Variants in PCDHA1 observed in about 807,000 individuals in gnomAD.
PCDHA1 encodes protocadherin alpha-1.
Under a neutral mutation model 61.3 loss-of-function variants are expected in PCDHA1, and 42 were observed. The ratio of observed to expected loss-of-function variants is 0.69; its 90% confidence interval spans 0.54 to 0.89. The LOEUF (loss-of-function observed/expected upper bound fraction) is 0.89. PCDHA1 is among the 40% of genes least tolerant of loss of function. The pLI is 0.00. For missense variants in PCDHA1, 1,256 were observed against 1,235.3 expected (o/e 1.02, Z -0.25); for synonymous variants, 610 against 553.8 (o/e 1.10, Z -1.43).
Position 140,856,227 on chromosome 5 carries a change from A to C in PCDHA1, c.2394+67543A>C, listed in dbSNP as rs149352769. 4,605 of 1,597,986 alleles carry C rather than the reference A, an allele frequency of 2.9e-3. 355 individuals carry two copies. The highest frequency in any genetic ancestry group is 0.01 in the Middle Eastern group (60 of 5,808). ...GGGCTGGAGCTGGCGGAGCTGGTGC[A>C]GCGCCTGTTCCGGGTGGCGTCCAAA... On this transcript the variant is annotated intron_variant, in intron 1 of 3. Transcript: ENST00000504120.
intron 1 of PCDHA1, among the ~76,000 whole-genome samples, chr5:140,950,542 A>G (rs1332265340): frequency 1.3e-5 from 2 of 152,014 alleles, no homozygotes; most frequent in Non-Finnish European, 2.9e-5. Flanking sequence ...TTGCTCTTGC[A>G]TGGCTGGGGG....
chr5:140,869,591 A>G (rs782105068), intron 1 of PCDHA1: 2 of 1,614,020 alleles, frequency 1.2e-6, no homozygotes, highest in Non-Finnish European at 1.7e-6. Flanking sequence ...GCTGACATTG[A>G]AGAGAATGCT....
chr5:140,812,370 TTTTG>T (rs1765093822), intron 1 of PCDHA1: 1 of 152,132 alleles, frequency 6.6e-6, no homozygotes, highest in Non-Finnish European at 1.5e-5. Flanking sequence ...CTTCCAGTCT[TTTTG>T]TTTTTTTCTT....
At chr5:140,883,202 G>T in intron 1 of PCDHA1, 1 of 1,613,916 alleles carries the variant, frequency 6.2e-7, no homozygotes, top group Non-Finnish European at 8.5e-7. Context: ...AGATTTCGAA[G>T]AAAAGAAATT....
chr5:140,990,148 A>T (rs1236453414), intron 3 of PCDHA1, among the ~76,000 whole-genome samples: 1 of 152,146 alleles, frequency 6.6e-6, no homozygotes, highest in African/African-American at 2.4e-5. Flanking sequence ...AGGCATAATA[A>T]TAGAAAGTTA....
chr5:140,959,592 G>A (rs2095498598), intron 1 of PCDHA1, among the ~76,000 whole-genome samples: 2 of 152,162 alleles, frequency 1.3e-5, no homozygotes, highest in South Asian at 4.1e-4. Flanking sequence ...TATCAGCCAA[G>A]TATAACATGC....
intron 1 of PCDHA1, chr5:140,967,956 A>C: frequency 6.2e-7 from 1 of 1,614,172 alleles, no homozygotes; most frequent in Non-Finnish European, 8.5e-7. Context: ...TCAGGCCCCA[A>C]CCGGAAAGTG....
chr5:140,938,760 T>C (rs574872397), intron 1 of PCDHA1, among the ~76,000 whole-genome samples: 2 of 152,286 alleles, frequency 1.3e-5, no homozygotes, highest in Admixed American at 1.3e-4. Flanking sequence ...GCATAGTTAT[T>C]GGGTACTAGA....
chr5:140,879,816 G>C (rs1232945342), intron 1 of PCDHA1, among the ~76,000 whole-genome samples: 9 of 152,196 alleles, frequency 5.9e-5, no homozygotes, highest in African/African-American at 2.2e-4. Flanking sequence ...TTGGCTGTTG[G>C]TGTTCCCTGG....
intron 1 of PCDHA1, among the ~76,000 whole-genome samples, chr5:140,944,014 C>A (rs1205860914): frequency 1.3e-5 from 2 of 152,022 alleles, no homozygotes; most frequent in African/African-American, 2.4e-5. Context: ...CCCCCAAAAG[C>A]AATTATCTTC....
chr5:140,884,497 C>T, intron 1 of PCDHA1: 1 of 1,614,042 alleles, frequency 6.2e-7, no homozygotes, highest in Non-Finnish European at 8.5e-7. Flanking sequence ...TGTGCTCCAG[C>T]GCGGCAGGGA....
intron 1 of PCDHA1, chr5:140,841,217 C>A: frequency 7.0e-7 from 1 of 1,422,140 alleles, no homozygotes; most frequent in Non-Finnish European, 9.5e-7. Context: ...TCTCTAAAGG[C>A]CGAACAACGG....
chr5:140,813,069 T>C (rs953340812), intron 1 of PCDHA1: 5 of 152,220 alleles, frequency 3.3e-5, no homozygotes, highest in African/African-American at 1.2e-4. Context: ...GTGTGATTTA[T>C]CCTGGAAAAT....
intron 3 of PCDHA1, among the ~76,000 whole-genome samples, chr5:140,996,816 A>G (rs1587722851): frequency 6.6e-6 from 1 of 152,264 alleles, no homozygotes; most frequent in Non-Finnish European, 1.5e-5. Flanking sequence ...TTCCAAAAGT[A>G]ACCACTACCA....
chr5:141,005,701 CAAAAAAAAAAAAAAAA>C (rs59860837), intron 3 of PCDHA1, among the ~76,000 whole-genome samples: 5 of 7,786 alleles, frequency 6.4e-4, no homozygotes, highest in African/African-American at 1.9e-3. Context: ...AACTCCGTCT[CAAAAAAAAAAAAAAAA>C]AAAAAAAAAA....
chr5:140,804,707 T>C (rs1489432225), intron 1 of PCDHA1: 2 of 170,256 alleles, frequency 1.2e-5, no homozygotes, highest in African/African-American at 4.7e-5. Context: ...AAATTGAAGG[T>C]AGACTTTTTT....
intron 1 of PCDHA1, chr5:140,877,591 G>GT: frequency 6.2e-7 from 1 of 1,613,852 alleles, no homozygotes; most frequent in Non-Finnish European, 8.5e-7. Context: ...CATCTGTGCG[G>GT]TGTCCAGCCT....
chr5:140,803,913 C>T, intron 1 of PCDHA1: 2 of 500,064 alleles, frequency 4.0e-6, no homozygotes, highest in South Asian at 2.5e-5. Flanking sequence ...AATCTGACTT[C>T]GACTTGTTTT....
chr5:140,875,921 C>G, intron 1 of PCDHA1: 1 of 1,614,228 alleles, frequency 6.2e-7, no homozygotes. Flanking sequence ...CCTCTGGACT[C>G]TCATTTTCCT....
Sources: gnomAD v4.1 joint callset for allele counts (sites outside exome capture counted in the v4.1 genomes callset) on GRCh38, gnomAD v4.1.1 for gene constraint, MANE v1.5 for transcripts, NCBI Gene and HGNC (gene_info 2026-07-23, HGNC 2026-07-21) for gene names.